The following SMIM18 variants were observed in gnomAD, a reference collection of about 807,000 sequenced individuals.
SMIM18 encodes the protein small integral membrane protein 18.
Under a neutral mutation model 5.9 loss-of-function variants are expected in SMIM18, and 4 were observed. The observed-to-expected ratio is 0.68, with a 90% CI of 0.33 to 1.56. The LOEUF (loss-of-function observed/expected upper bound fraction) is 1.56, where lower values mean the gene tolerates loss of function less well. Ranked by LOEUF, SMIM18 falls within the 40% of genes most tolerant of loss-of-function variation. The probability of loss-of-function intolerance (pLI) is 0.06; values close to 1 mark genes in which losing one functional copy is unlikely to be tolerated. For missense variants in SMIM18, 89 were observed against 109.7 expected (o/e 0.81, Z 0.84); for synonymous variants, 37 against 37.4 (o/e 0.99, Z 0.04).
intron 1 of SMIM18, among the ~76,000 whole-genome samples, chr8:30,640,372 G>A (rs950487994): frequency 1.3e-5 from 2 of 152,060 alleles, no homozygotes; most frequent in South Asian, 2.1e-4. Flanking sequence ...ACTGCACTGG[G>A]GCCTTTGGGA....
intron 1 of SMIM18, chr8:30,643,497 A>T (rs773371470): frequency 6.6e-6 from 1 of 152,168 alleles, no homozygotes; most frequent in Non-Finnish European, 1.5e-5. Context: ...TTCTACTAAA[A>T]ATACAAAAAT....
intron 1 of SMIM18, chr8:30,643,471 AC>A (rs1801931279): frequency 6.6e-6 from 1 of 152,232 alleles, no homozygotes; most frequent in East Asian, 1.9e-4. Context: ...AGCCTGACCA[AC>A]ATGGTAAAAC....
chr8:30,644,261 A>T (rs1395636830), intron 1 of SMIM18, among the ~76,000 whole-genome samples: 1 of 152,198 alleles, frequency 6.6e-6, no homozygotes, highest in Non-Finnish European at 1.5e-5. Context: ...TGAACTCACC[A>T]GCTTCTTTTG....
chr8:30,642,691 T>A (rs915771391), intron 1 of SMIM18, among the ~76,000 whole-genome samples: 1 of 152,226 alleles, frequency 6.6e-6, no homozygotes, highest in Non-Finnish European at 1.5e-5. Flanking sequence ...ATATACACTA[T>A]CCTACACCTT....
rs914324203 is a variant in SMIM18 at position 30,645,846 on chromosome 8, A to G, written c.*249A>G. The G allele has an allele frequency of 7.8e-6, 3 of 385,136 alleles. No homozygotes were observed. Among genetic ancestry groups the G allele is most frequent in the Non-Finnish European group, 9.3e-6 (2 of 215,936 alleles). The allele number at this position is 385,136 out of a possible 1,614,324, so 23.9% of individuals were successfully genotyped here. A position where few individuals can be genotyped will look rare whatever the true frequency, so the allele number is the denominator to read the frequency against. ...AATACTGACACTTCAAAAACTGGAT[A>G]AAAGATTCCTAGAGTTCAATATTAA... is the stretch of plus-strand genomic sequence containing the variant. On this transcript the variant is annotated 3_prime_UTR_variant, in exon 3 of 3. Transcript: ENST00000517349.
chr8:30,645,688 C>A lies in SMIM18; in HGVS notation c.*91C>A. The A allele has an allele frequency of 1.6e-6, 2 of 1,251,476 alleles. No individual in the cohort carries two copies. The highest frequency in any genetic ancestry group is 1.6e-5 in the South Asian group (1 of 63,762). The allele number at this position is 1,251,476 out of a possible 1,614,324, so 77.5% of individuals were successfully genotyped here. ...TCTGAGGCCAACTGTTGCTACAAAA[C>A]AAATTCTGACTGAATGGTTAAAACA... On this transcript the variant is annotated 3_prime_UTR_variant, in exon 3 of 3. Coordinates refer to ENST00000517349, the MANE Select transcript of SMIM18 (RefSeq NM_001206847.2).
At chr8:30,644,986 G>C (rs1802015183) in intron 2 of SMIM18, among the ~76,000 whole-genome samples, 1 of 152,146 alleles carries the variant, frequency 6.6e-6, no homozygotes, top group Admixed American at 6.5e-5. Flanking sequence ...CTGGGCTCAA[G>C]TGATCTGCCC....
At chr8:30,641,397 C>A (rs1203745748) in intron 1 of SMIM18, among the ~76,000 whole-genome samples, 6 of 152,202 alleles carry the variant, frequency 3.9e-5, no homozygotes, top group African/African-American at 1.4e-4. Context: ...GGGTCTCACT[C>A]TATCACCCAG....
intron 1 of SMIM18, 145 bp downstream of exon 1, chr8:30,638,784 G>A (rs1309471864): frequency 1.3e-5 from 2 of 152,266 alleles, no homozygotes; most frequent in East Asian, 3.8e-4. Context: ...CGCTTGGTAG[G>A]ATTTTATTAT....
chr8:30,639,654 TTTAG>T (rs1801741033), intron 1 of SMIM18, among the ~76,000 whole-genome samples: 1 of 152,184 alleles, frequency 6.6e-6, no homozygotes, highest in African/African-American at 2.4e-5. Context: ...AGCATGAAAA[TTTAG>T]TTATTTACTA....
chr8:30,640,839 G>C (rs1025885220), intron 1 of SMIM18, among the ~76,000 whole-genome samples: 1 of 152,046 alleles, frequency 6.6e-6, no homozygotes, highest in Non-Finnish European at 1.5e-5. Context: ...TGAGAAACTG[G>C]GATTACACAC....
rs773496332 is a variant in SMIM18 at position 30,645,612 on chromosome 8, T to C, written c.*15T>C. The C allele has an allele frequency of 6.6e-6, 10 of 1,519,832 alleles. No homozygotes were observed. Among genetic ancestry groups the C allele is most frequent in the Non-Finnish European group, 8.8e-6 (10 of 1,139,246 alleles). 94.1% of individuals were successfully genotyped at this position (1,519,832 alleles called of 1,614,324 possible). Reference sequence around the variant, plus strand: ...AAGTGGTCTAACACTCTATAGAAGATGAACAAAATCTCTGAAAGCAGCTCA... The same window carrying C: ...AAGTGGTCTAACACTCTATAGAAGACGAACAAAATCTCTGAAAGCAGCTCA... On this transcript the variant is annotated 3_prime_UTR_variant, in exon 3 of 3. Coordinates refer to ENST00000517349, the MANE Select transcript of SMIM18 (RefSeq NM_001206847.2).
intron 1 of SMIM18, among the ~76,000 whole-genome samples, chr8:30,640,468 A>G (rs1030177552): frequency 2.0e-5 from 3 of 152,266 alleles, no homozygotes; most frequent in East Asian, 3.9e-4. Flanking sequence ...AACATAAAAC[A>G]AAACTAAAAC....
In SMIM18 at chr8:30,645,700, G is replaced by A. The variant is rs1298255622; in HGVS notation, c.*103G>A. 5 of 1,183,720 alleles carry A rather than the reference G, an allele frequency of 4.2e-6. No homozygotes were observed. The highest frequency in any genetic ancestry group is 5.8e-6 in the Non-Finnish European group (5 of 869,176). The allele number at this position is 1,183,720 out of a possible 1,614,324, so 73.3% of individuals were successfully genotyped here. A position where few individuals can be genotyped will look rare whatever the true frequency, so the allele number is the denominator to read the frequency against. ...TGTTGCTACAAAACAAATTCTGACT[G>A]AATGGTTAAAACATTTCTAGTAGAA... On this transcript the variant is annotated 3_prime_UTR_variant, in exon 3 of 3. Coordinates refer to ENST00000517349, the MANE Select transcript of SMIM18 (RefSeq NM_001206847.2).
chr8:30,645,689 A>G lies in SMIM18; in HGVS notation c.*92A>G. The G allele has an allele frequency of 8.0e-7, 1 of 1,257,316 alleles. No homozygotes were observed. The highest frequency in any genetic ancestry group is 1.1e-6 in the Non-Finnish European group (1 of 933,862). The allele number at this position is 1,257,316 out of a possible 1,614,324, so 77.9% of individuals were successfully genotyped here. On this transcript the variant is annotated 3_prime_UTR_variant, in exon 3 of 3. Coordinates refer to ENST00000517349, the MANE Select transcript of SMIM18 (RefSeq NM_001206847.2). The stretch of plus-strand genomic sequence containing the variant: ...CTGAGGCCAACTGTTGCTACAAAAC[A>G]AATTCTGACTGAATGGTTAAAACAT...
In SMIM18 at chr8:30,645,696, G is replaced by T; in HGVS notation, c.*99G>T. The T allele has an allele frequency of 1.7e-6, 2 of 1,204,092 alleles. No individual in the cohort carries two copies. The highest frequency in any genetic ancestry group is 2.3e-6 in the Non-Finnish European group (2 of 887,262). 74.6% of individuals were successfully genotyped at this position (1,204,092 alleles called of 1,614,324 possible). ...CAACTGTTGCTACAAAACAAATTCT[G>T]ACTGAATGGTTAAAACATTTCTAGT... On this transcript the variant is annotated 3_prime_UTR_variant, in exon 3 of 3. Coordinates refer to ENST00000517349, the MANE Select transcript of SMIM18 (RefSeq NM_001206847.2).
At position 30,645,525 on chromosome 8, in the gene SMIM18, C is replaced by T. The variant is rs1802037635; in HGVS notation, c.216C>T (p.Asp72=). The T allele has an allele frequency of 2.0e-6, 3 of 1,535,638 alleles. No individual in the cohort carries two copies. Among genetic ancestry groups the T allele is most frequent in the African/African-American group, 2.7e-5 (2 of 73,152 alleles). The change falls in exon 3 of 3, where the codon GAC becomes GAT. Residue 72 remains aspartate, a synonymous_variant. Transcript: ENST00000517349. ...CCCVKNKTVK[D]LKSEPNPLRS... is the part of the protein sequence containing the mutation. ...GTGTAAAAAACAAAACCGTGAAAGACTTGAAAAGTGAACCCAACCCTCTTA... is the reference window on the plus strand; with the variant it reads ...GTGTAAAAAACAAAACCGTGAAAGATTTGAAAAGTGAACCCAACCCTCTTA...
chr8:30,640,146 T>A (rs1327728473), intron 1 of SMIM18, among the ~76,000 whole-genome samples: 1 of 152,196 alleles, frequency 6.6e-6, no homozygotes, highest in East Asian at 1.9e-4. Context: ...CCAAACTGAC[T>A]GGAGACATGG....
intron 1 of SMIM18, among the ~76,000 whole-genome samples, chr8:30,642,404 T>C (rs1054333871): frequency 6.6e-6 from 1 of 151,782 alleles, no homozygotes; most frequent in Admixed American, 6.6e-5. Flanking sequence ...TGGCTAACAA[T>C]AGACTTTTAA....
Sources: allele counts gnomAD v4.1 joint callset (sites outside exome capture counted in the v4.1 genomes callset), GRCh38; gene constraint gnomAD v4.1.1; transcripts MANE v1.5; gene names NCBI Gene and HGNC (gene_info 2026-07-23, HGNC 2026-07-21).